RNF2: variants seen among roughly 807,000 people sequenced by gnomAD.
RNF2 encodes ring finger protein 2, also known as E3 ubiquitin-protein ligase RING2.
In RNF2, 6 loss-of-function variants were observed where a neutral mutation model predicts 37.2. The observed-to-expected ratio is 0.16, with a 90% CI of 0.09 to 0.32. The LOEUF (loss-of-function observed/expected upper bound fraction) is 0.32, where lower values mean the gene tolerates loss of function less well. Ranked by LOEUF, RNF2 falls within the 10% of genes least tolerant of loss-of-function variation. The probability of loss-of-function intolerance (pLI) is 1.00; values close to 1 mark genes in which losing one functional copy is unlikely to be tolerated. For missense variants in RNF2, 251 were observed against 404.0 expected (o/e 0.62, Z 3.25); for synonymous variants, 133 against 132.7 (o/e 1.00, Z -0.02).
chr1:185,064,525 A>G (rs1650742751), intron 1 of RNF2, among the ~76,000 whole-genome samples: 1 of 152,216 alleles, frequency 6.6e-6, no homozygotes, highest in South Asian at 2.1e-4. Flanking sequence ...CTGCATCTGG[A>G]TAACCCATCT....
At chr1:185,096,376 G>A (rs892511468) in intron 4 of RNF2, among the ~76,000 whole-genome samples, 12 of 152,006 alleles carry the variant, frequency 7.9e-5, no homozygotes, top group African/African-American at 2.9e-4. Context: ...CACTCACAAT[G>A]TTGTGCAGCC....
chr1:185,058,107 CAG>C (rs1471614381), intron 1 of RNF2, among the ~76,000 whole-genome samples: 2 of 152,252 alleles, frequency 1.3e-5, no homozygotes, highest in East Asian at 1.9e-4. Context: ...GCATTGCTGA[CAG>C]AGCGATACCC....
chr1:185,049,141 GC>G (rs1252692238), intron 1 of RNF2, among the ~76,000 whole-genome samples: 1 of 152,110 alleles, frequency 6.6e-6, no homozygotes, highest in Non-Finnish European at 1.5e-5. Flanking sequence ...CAGGAGAATT[GC>G]TTGAACCCAG....
chr1:185,079,932 A>G (rs1651296297), intron 1 of RNF2, among the ~76,000 whole-genome samples: 1 of 150,534 alleles, frequency 6.6e-6, no homozygotes, highest in Admixed American at 6.6e-5. Context: ...CTGTCTCAGA[A>G]AAAAAAAAAA....
chr1:185,048,663 C>G (rs905935057), intron 1 of RNF2, among the ~76,000 whole-genome samples: 2 of 152,130 alleles, frequency 1.3e-5, no homozygotes, highest in South Asian at 4.1e-4. Context: ...TACTTACGGG[C>G]TCTTCTGCAA....
chr1:185,060,417 A>C (rs192521015), intron 1 of RNF2, among the ~76,000 whole-genome samples: 2 of 152,168 alleles, frequency 1.3e-5, no homozygotes, highest in African/African-American at 4.8e-5. Flanking sequence ...AGAGGTTCCT[A>C]TTATCTGAGT....
chr1:185,096,090 T>C (rs1441751900), intron 4 of RNF2, among the ~76,000 whole-genome samples: 1 of 152,352 alleles, frequency 6.6e-6, no homozygotes, highest in East Asian at 1.9e-4. Context: ...TAAAAATAAA[T>C]ATATTGAGTC....
At chr1:185,046,999 T>C (rs530527801) in intron 1 of RNF2, among the ~76,000 whole-genome samples, 208 of 152,312 alleles carry the variant, frequency 1.4e-3, no homozygotes, top group African/African-American at 4.8e-3. Flanking sequence ...ATTCCCTTTT[T>C]CCCCTGAAAT....
At chr1:185,064,900 A>T (rs1650754530) in intron 1 of RNF2, among the ~76,000 whole-genome samples, 1 of 152,102 alleles carries the variant, frequency 6.6e-6, no homozygotes, top group Non-Finnish European at 1.5e-5. Flanking sequence ...ATATGAATGA[A>T]ACTGATTGTT....
Position 185,101,822 on chromosome 1 carries a change from T to G in RNF2, c.*1521T>G, listed in dbSNP as rs1652084374. The G allele has an allele frequency of 6.9e-6, 1 of 145,818 alleles. No individual in the cohort carries two copies. The highest frequency in any genetic ancestry group is 2.6e-5 in the African/African-American group (1 of 39,142). The allele number at this position is 145,818 out of a possible 1,614,324, so 9.0% of individuals were successfully genotyped here. Reference sequence around the variant, plus strand: ...TTTTATGGAAAATATTTAAAATCTGTTTTTACAGGGTTTTTTTTTTTTTTT... The same window carrying G: ...TTTTATGGAAAATATTTAAAATCTGGTTTTACAGGGTTTTTTTTTTTTTTT... On this transcript the variant is annotated 3_prime_UTR_variant, in exon 7 of 7. Coordinates refer to ENST00000367510, the MANE Select transcript of RNF2 (RefSeq NM_007212.4).
In RNF2 at chr1:185,100,316, A is replaced by T. The variant is rs376053019; in HGVS notation, c.*15A>T. 6.4e-7 allele frequency: 1 copy of T among 1,561,916 alleles called. No individual in the cohort carries two copies. Among genetic ancestry groups the T allele is most frequent in the Non-Finnish European group, 8.7e-7 (1 of 1,149,092 alleles). ...AGCACAAATGAGCCTTTAAAAACCA[A>T]TTCTGAGACTGAACTTTTTTATAGC... On this transcript the variant is annotated 3_prime_UTR_variant, in exon 7 of 7. Coordinates refer to ENST00000367510, the MANE Select transcript of RNF2 (RefSeq NM_007212.4).
chr1:185,061,191 G>T (rs113287876), intron 1 of RNF2, among the ~76,000 whole-genome samples: 25 of 150,242 alleles, frequency 1.7e-4, no homozygotes, highest in African/African-American at 5.9e-4. Flanking sequence ...GCAGTGGCGG[G>T]ATCTCGGCTC....
chr1:185,062,654 T>C lies in RNF2; in HGVS notation c.-3+17005T>C, dbSNP rs965529731. Among the ~76,000 whole-genome samples the C allele has an allele frequency of 3.3e-5, 5 of 152,034 alleles. No homozygotes were observed. The South Asian group carries it at 8.3e-4, about 25-fold the overall frequency. On this transcript the variant is annotated intron_variant, in intron 1 of 6. Transcript: ENST00000367510. ...AAAAATATATAAAAGATAAAAGTTA[T>C]GTACTGAAGAAGTCAAAGACAAAAG...
At chr1:185,064,642 G>A (rs1253384772) in intron 1 of RNF2, among the ~76,000 whole-genome samples, 1 of 152,106 alleles carries the variant, frequency 6.6e-6, no homozygotes, top group Non-Finnish European at 1.5e-5. Flanking sequence ...GGTTTATTGG[G>A]ATGTAACCCC....
chr1:185,066,178 A>G (rs775571537), intron 1 of RNF2, among the ~76,000 whole-genome samples: 12 of 152,194 alleles, frequency 7.9e-5, no homozygotes, highest in African/African-American at 1.2e-4. Flanking sequence ...ACTGTTGGCC[A>G]AAGGTGATCT....
intron 4 of RNF2, among the ~76,000 whole-genome samples, chr1:185,095,034 C>A (rs544986336): frequency 6.6e-6 from 1 of 152,280 alleles, no homozygotes; most frequent in Non-Finnish European, 1.5e-5. Context: ...TAGTCAAGAT[C>A]AAAAACCACT....
chr1:185,081,902 T>C (rs1034871940), intron 1 of RNF2, among the ~76,000 whole-genome samples: 3 of 152,178 alleles, frequency 2.0e-5, no homozygotes, highest in Non-Finnish European at 4.4e-5. Context: ...CAGAAAGCTG[T>C]AGCGGCAGCA....
chr1:185,091,791 C>G (rs1456280296), intron 3 of RNF2, 52 bp downstream of exon 3: 1 of 1,439,788 alleles, frequency 6.9e-7, no homozygotes, highest in Non-Finnish European at 9.5e-7. Context: ...CACGAAAGTG[C>G]TTTCCAGGGT....
intron 1 of RNF2, among the ~76,000 whole-genome samples, chr1:185,082,345 C>CTTTTTTCTTTTTTTTTTTTTTTTTTTT (rs1651443682): frequency 1.4e-5 from 1 of 72,000 alleles, no homozygotes; most frequent in Non-Finnish European, 2.9e-5. Context: ...CTCTGCAGAA[C>CTTTTTTCTTTTTTTTTTTTTTTTTTTT]TTTTTTTTTT....
Sources: allele counts gnomAD v4.1 joint callset (sites outside exome capture counted in the v4.1 genomes callset), GRCh38; gene constraint gnomAD v4.1.1; transcripts MANE v1.5; gene names NCBI Gene and HGNC (gene_info 2026-07-23, HGNC 2026-07-21).